The following MLXIP variants were observed in gnomAD, a reference collection of about 807,000 sequenced individuals.
The protein encoded by MLXIP is MLX interacting protein.
In MLXIP, 30 loss-of-function variants were observed where a neutral mutation model predicts 87.2. The ratio of observed to expected loss-of-function variants is 0.34; its 90% confidence interval spans 0.26 to 0.47. The LOEUF (loss-of-function observed/expected upper bound fraction) is 0.47. Among genes scored for constraint, MLXIP ranks in the 20% least tolerant of loss-of-function variants. The pLI, the probability that MLXIP is intolerant of heterozygous loss-of-function variation, is 1.00. For synonymous variants in MLXIP, 530 were observed against 514.0 expected, an observed-to-expected ratio of 1.03 and a Z score of -0.42; for missense variants, 1,002 against 1,240.1, an observed-to-expected ratio of 0.81 and a Z score of 2.88.
rs1412192099 is a variant in MLXIP, at chr12:122,078,804, T to C, written c.-50T>C. On this transcript the variant is annotated 5_prime_UTR_variant, in exon 1 of 17. Coordinates refer to ENST00000319080, the MANE Select transcript of MLXIP (RefSeq NM_014938.6). ...GCCGGCGCCCCTCTGCCTCGCGCGC[T>C]TGTCGCGTTGCCCCGGGCTCCGGGG... 36 of 1,026,856 alleles carry C rather than the reference T, an allele frequency of 3.5e-5. No homozygotes were observed. The Admixed American group carries it at 7.0e-4, about 20-fold the overall frequency. 63.6% of individuals were successfully genotyped at this position (1,026,856 alleles called of 1,614,324 possible). A position where few individuals can be genotyped will look rare whatever the true frequency, so the allele number is the denominator to read the frequency against.
chr12:122,133,429 G>C lies in MLXIP; in HGVS notation c.1174G>C (p.Ala392Pro). 1 of 1,612,406 alleles carries C rather than the reference G, an allele frequency of 6.2e-7. No homozygotes were observed. The highest frequency in any genetic ancestry group is 1.1e-5 in the South Asian group (1 of 91,010). The change falls in exon 9 of 17, where the codon GCT (alanine) becomes CCT (proline). Residue 392 changes from alanine to proline, a missense_variant. Coordinates refer to ENST00000319080, the MANE Select transcript of MLXIP (RefSeq NM_014938.6). The surrounding 1 kb of genome is among the most constrained non-coding windows in gnomAD (Gnocchi z 4.9). ...LIAPPTAPSL[A>P]HMDEQGCEHT... ...CGCGCCCCCTACCGCCCCATCCCTGGCTCACATGGATGAGCAGGGCTGTGA... is the reference window on the plus strand; with the variant it reads ...CGCGCCCCCTACCGCCCCATCCCTGCCTCACATGGATGAGCAGGGCTGTGA...
chr12:122,129,639 C>A lies in MLXIP; in HGVS notation c.738+10C>A, dbSNP rs1323306978. The A allele has an allele frequency of 2.1e-5, 33 of 1,596,418 alleles. No homozygotes were observed. In the East Asian group the frequency reaches 7.2e-4, roughly 35 times the overall value. On this transcript the variant is annotated intron_variant, in intron 5 of 16. Coordinates refer to ENST00000319080, the MANE Select transcript of MLXIP (RefSeq NM_014938.6). ...CTCCAGCCTGGTCCAGGTGGGTGAG[C>A]CTGGGAGCTCTGAGGACCCCCACTT...
chr12:122,093,335 GTC>G (rs1321362177), intron 1 of MLXIP, among the ~76,000 whole-genome samples: 2 of 145,558 alleles, frequency 1.4e-5, no homozygotes, highest in African/African-American at 5.1e-5. Flanking sequence ...TGTTTGCAGT[GTC>G]TGTGTATTGT....
chr12:122,135,620 G>A lies in MLXIP; in HGVS notation c.1986G>A (p.Gln662=). The change falls in exon 11 of 17, where the codon CAG becomes CAA. Residue 662 remains glutamine (Q), a synonymous_variant. Transcript: ENST00000319080. This position sits in a 1 kb window ranked among gnomAD's most constrained non-coding sequence, Gnocchi z 5.3. ...TAQDPLGKGE[Q]VPLHGGSPQV... Reference sequence around the variant, plus strand: ...AAGACCCCCTGGGGAAGGGCGAGCAGGTCCCGCTGCATGGGGGCAGCCCCC... The same window carrying A: ...AAGACCCCCTGGGGAAGGGCGAGCAAGTCCCGCTGCATGGGGGCAGCCCCC... 2 of 1,562,524 alleles carry A rather than the reference G, an allele frequency of 1.3e-6. No individual in the cohort carries two copies. The highest frequency in any genetic ancestry group is 2.3e-5 in the East Asian group (1 of 42,974).
At chr12:122,122,314 G>A (rs1952796119) in intron 1 of MLXIP, among the ~76,000 whole-genome samples, 1 of 152,110 alleles carries the variant, frequency 6.6e-6, no homozygotes, top group Non-Finnish European at 1.5e-5. Flanking sequence ...GCTTCCCTGG[G>A]GGCTCTGCCA....
intron 1 of MLXIP, among the ~76,000 whole-genome samples, chr12:122,118,163 G>A (rs1159443034): frequency 6.6e-6 from 1 of 151,452 alleles, no homozygotes; most frequent in African/African-American, 2.4e-5. Context: ...ACTACAGTGT[G>A]GATCTGCTGG....
intron 1 of MLXIP, among the ~76,000 whole-genome samples, chr12:122,081,029 CT>C (rs62949960): frequency 0.47 from 70,725 of 151,954 alleles, 16,629 homozygotes; most frequent in Middle Eastern, 0.63. Flanking sequence ...CCTTTGCACT[CT>C]TGTTTGGATA....
intron 1 of MLXIP, among the ~76,000 whole-genome samples, chr12:122,083,267 T>C (rs770067681): frequency 1.3e-5 from 2 of 152,190 alleles, no homozygotes; most frequent in Non-Finnish European, 1.5e-5. Context: ...TCTTTTTCTG[T>C]ATTTAGAGAT....
At position 122,133,973 on chromosome 12, in the gene MLXIP, C is replaced by T; in HGVS notation, c.1718C>T (p.Ala573Val). ...CCCGTGTCCTTGGTGTTGAAGAATG[C>T]CCGTATCGCCCCAGGTGAGCCAGGC... is the stretch of plus-strand genomic sequence containing the variant. Reference protein sequence around the residue: ...PEPVSLVLKNARIAPAAFSGQ... With the variant: ...PEPVSLVLKNVRIAPAAFSGQ... The change falls in exon 9 of 17, where the codon GCC becomes GTC. Residue 573 changes from alanine to valine, a missense_variant. Around this residue, in one of 3 missense-constraint regions of MLXIP, gnomAD observed 746 missense variants for 897.0 expected, o/e 0.83. Coordinates refer to ENST00000319080, the MANE Select transcript of MLXIP (RefSeq NM_014938.6). The surrounding 1 kb of genome is among the most constrained non-coding windows in gnomAD (Gnocchi z 4.9). 6.3e-7 allele frequency: 1 copy of T among 1,598,540 alleles called. No homozygotes were observed.
intron 1 of MLXIP, among the ~76,000 whole-genome samples, chr12:122,108,185 C>T (rs1047664333): frequency 3.3e-5 from 5 of 151,838 alleles, no homozygotes; most frequent in Middle Eastern, 6.3e-3. Context: ...CTGGCCAACA[C>T]GGTGAAACCT....
At chr12:122,113,778 A>G (rs1286877119) in intron 1 of MLXIP, among the ~76,000 whole-genome samples, 1 of 134,186 alleles carries the variant, frequency 7.5e-6, no homozygotes, top group Non-Finnish European at 1.5e-5. Context: ...TCCGCCTCCC[A>G]GGTTCATGCC....
intron 1 of MLXIP, among the ~76,000 whole-genome samples, chr12:122,097,855 C>CCA (rs1555227874): frequency 2.6e-5 from 4 of 152,004 alleles, no homozygotes; most frequent in African/African-American, 7.3e-5. Flanking sequence ...TTCCCCCTCC[C>CCA]CACAAGAAAC....
Position 122,137,728 on chromosome 12 carries a change from C to T in MLXIP, c.2154+138C>T. 2.9e-6 allele frequency: 4 copies of T among 1,369,634 alleles called. No homozygotes were observed. In the South Asian group the frequency reaches 4.1e-5, roughly 14 times the overall value. The allele number at this position is 1,369,634 out of a possible 1,614,324, so 84.8% of individuals were successfully genotyped here. On this transcript the variant is annotated intron_variant, in intron 12 of 16. Transcript: ENST00000319080. This position sits in a 1 kb window ranked among gnomAD's most constrained non-coding sequence, Gnocchi z 4.1. The stretch of plus-strand genomic sequence containing the variant: ...GCAGGGGTGGATCAGAAATGGGCTT[C>T]TCCTTGCCCCATGCCACGAACCAGC...
chr12:122,096,124 C>T (rs1952347914), intron 1 of MLXIP, among the ~76,000 whole-genome samples: 3 of 151,966 alleles, frequency 2.0e-5, no homozygotes, highest in African/African-American at 7.2e-5. Flanking sequence ...GTTGCCTAGG[C>T]TGGGCTGCAA....
intron 1 of MLXIP, among the ~76,000 whole-genome samples, chr12:122,118,583 C>T (rs1158702025): frequency 6.6e-6 from 1 of 152,196 alleles, no homozygotes; most frequent in Non-Finnish European, 1.5e-5. Flanking sequence ...CGCAGTGGCT[C>T]ACGCCTATAA....
chr12:122,080,149 A>G (rs1049916289), intron 1 of MLXIP, among the ~76,000 whole-genome samples: 2 of 152,036 alleles, frequency 1.3e-5, no homozygotes, highest in Non-Finnish European at 2.9e-5. Context: ...CACTATGAAT[A>G]TTAGGTATTT....
In MLXIP at chr12:122,140,985, C is replaced by G. The variant is rs1248429431; in HGVS notation, c.2540C>G (p.Ser847Trp). 1 of 1,614,034 alleles carries G rather than the reference C, an allele frequency of 6.2e-7. No individual in the cohort carries two copies. The highest frequency in any genetic ancestry group is 1.7e-5 in the Admixed American group (1 of 60,028). Residue 847 changes from serine (S) to tryptophan (W), a missense_variant, in exon 16 of 17, where the codon TCG becomes TGG. Transcript: ENST00000319080. The stretch of plus-strand genomic sequence containing the variant: ...ATCATCATCAAGCCGCTGTTTGAGT[C>G]GTTCAAGGGCATGGTGTCCACCAGC... ...FSIIIKPLFE[S>W]FKGMVSTSSL...
intron 8 of MLXIP, 199 bp downstream of exon 8, chr12:122,132,582 G>T: frequency 1.8e-6 from 1 of 568,490 alleles, no homozygotes; most frequent in Non-Finnish European, 3.1e-6. Context: ...CATGGGGTGG[G>T]AGACTCTTGG....
At position 122,146,973 on chromosome 12, in the gene MLXIP, G is replaced by C. The variant is rs192163605; in HGVS notation, c.*5161G>C. The C allele has an allele frequency of 6.6e-6, 1 of 152,198 alleles. No homozygotes were observed. Among genetic ancestry groups the C allele is most frequent in the Non-Finnish European group, 1.5e-5 (1 of 68,044 alleles). The allele number at this position is 152,198 out of a possible 1,614,324, so 9.4% of individuals were successfully genotyped here. A position where few individuals can be genotyped will look rare whatever the true frequency, so the allele number is the denominator to read the frequency against. ...CCACAGTGCCCCCTTTTCTCTAGCCGAATCTTTTTCGAACAGCCCGGGAAA... is the reference window on the plus strand; with the variant it reads ...CCACAGTGCCCCCTTTTCTCTAGCCCAATCTTTTTCGAACAGCCCGGGAAA... On this transcript the variant is annotated 3_prime_UTR_variant, in exon 17 of 17. Coordinates refer to ENST00000319080, the MANE Select transcript of MLXIP (RefSeq NM_014938.6).
Sources: gnomAD v4.1 joint callset for allele counts (sites outside exome capture counted in the v4.1 genomes callset) on GRCh38, gnomAD v4.1.1 for gene constraint, gnomAD v4.1.1 regional missense constraint, Gnocchi (gnomAD v3.1) non-coding constraint, MANE v1.5 for transcripts, NCBI Gene and HGNC (gene_info 2026-07-23, HGNC 2026-07-21) for gene names.